GREB1: variants seen among roughly 807,000 people sequenced by gnomAD.
GREB1 encodes growth regulating estrogen receptor binding 1.
Under a neutral mutation model 200.7 loss-of-function variants are expected in GREB1, and 106 were observed. That is an observed-to-expected ratio of 0.53 (90% CI 0.45 to 0.62). The LOEUF is 0.62. GREB1 is among the 20% of genes least tolerant of loss of function. The probability of loss-of-function intolerance (pLI) is 0.00; values close to 1 mark genes in which losing one functional copy is unlikely to be tolerated. For missense variants in GREB1, 2,243 were observed against 2,556.8 expected (o/e 0.88, Z 2.65); for synonymous variants, 1,132 against 1,092.4 (o/e 1.04, Z -0.72).
At chr2:11,604,480 A>G (rs889748553) in intron 17 of GREB1, among the ~76,000 whole-genome samples, 6 of 152,126 alleles carry the variant, frequency 3.9e-5, no homozygotes, top group Non-Finnish European at 7.4e-5. Context: ...CACCATCATC[A>G]TCCTCTCTTC....
rs758374338 is a variant in GREB1, at chr2:11,630,095, C to A, written c.4597C>A (p.Leu1533Ile). The A allele has an allele frequency of 6.2e-7, 1 of 1,614,166 alleles. No homozygotes were observed. The highest frequency in any genetic ancestry group is 8.5e-7 in the Non-Finnish European group (1 of 1,180,010). Residue 1533 changes from leucine (L) to isoleucine (I), a missense_variant, in exon 26 of 33, where the codon CTC becomes ATC. By Grantham distance (5) the Leu-to-Ile change is conservative. Coordinates refer to ENST00000381486, the MANE Select transcript of GREB1 (RefSeq NM_014668.4). ...CCAGCTGGAGAGCATGCGACTACCC[C>A]TCGTGACAGACAAGGTACTGGCTCA... The part of the protein sequence containing the change: ...GGQLESMRLP[L>I]VTDKSHEYIK...
chr2:11,614,767 G>T (rs1181990314), intron 19 of GREB1, among the ~76,000 whole-genome samples: 3 of 152,138 alleles, frequency 2.0e-5, no homozygotes, highest in Non-Finnish European at 2.9e-5. Flanking sequence ...GTTTCACCGT[G>T]TTAGCCAGGA....
chr2:11,587,008 G>A (rs545287062), intron 9 of GREB1, among the ~76,000 whole-genome samples: 1 of 152,298 alleles, frequency 6.6e-6, no homozygotes, highest in African/African-American at 2.4e-5. Flanking sequence ...TGGAGGTGCA[G>A]GCAGGGCGTC....
chr2:11,544,078 T>C (rs1675011118), intron 1 of GREB1, among the ~76,000 whole-genome samples: 1 of 152,160 alleles, frequency 6.6e-6, no homozygotes. Context: ...GATGGAGGCT[T>C]CATTTAGACA....
chr2:11,580,823 T>G lies in GREB1; in HGVS notation c.892T>G (p.Ser298Ala), dbSNP rs763342408. 11 of 1,614,242 alleles carry G rather than the reference T, an allele frequency of 6.8e-6. No homozygotes were observed. In the South Asian group the frequency reaches 1.1e-4, roughly 16 times the overall value. ...KNNLLALPRP[S>A]ALGILSNSGP... ...TAACCTGTTGGCCCTGCCGCGACCA[T>G]CGGCTTTAGGTAGCTCTGCCTGTCC... is the stretch of plus-strand genomic sequence containing the variant. Residue 298 changes from serine to alanine, a missense_variant, in exon 7 of 33, where the codon TCG becomes GCG. Ser to Ala is a moderately conservative substitution (Grantham distance 99). Around this residue, in one of 3 missense-constraint regions of GREB1, gnomAD observed 1,178 missense variants for 1,387.4 expected, o/e 0.85. Transcript: ENST00000381486. This position sits in a 1 kb window ranked among gnomAD's most constrained non-coding sequence, Gnocchi z 4.5.
At chr2:11,636,206 A>G (rs1310387588) in intron 30 of GREB1, among the ~76,000 whole-genome samples, 1 of 152,180 alleles carries the variant, frequency 6.6e-6, no homozygotes, top group Non-Finnish European at 1.5e-5. Context: ...ACCTTTAAAT[A>G]AAGGCCCCCA....
intron 1 of GREB1, among the ~76,000 whole-genome samples, chr2:11,486,663 T>G (rs563935592): frequency 6.6e-6 from 1 of 150,652 alleles, no homozygotes; most frequent in South Asian, 2.1e-4. Flanking sequence ...AGGCCAGGAG[T>G]TCGAGACTAG....
At chr2:11,639,846 G>A (rs1685677585) in intron 32 of GREB1, among the ~76,000 whole-genome samples, 1 of 152,178 alleles carries the variant, frequency 6.6e-6, no homozygotes, top group East Asian at 1.9e-4. Context: ...CCAGGTGCTG[G>A]GAGTTGAGAG....
chr2:11,496,343 C>G (rs1330482542), intron 1 of GREB1, among the ~76,000 whole-genome samples: 3 of 152,154 alleles, frequency 2.0e-5, no homozygotes, highest in Admixed American at 2.0e-4. Flanking sequence ...TGAACCCTCT[C>G]GGTTTATATT....
intron 9 of GREB1, chr2:11,588,215 A>G: frequency 1.1e-6 from 1 of 900,944 alleles, no homozygotes; most frequent in Non-Finnish European, 1.4e-6. Context: ...GGGACAGAGC[A>G]AGACACTGTC....
At chr2:11,544,298 G>A (rs1675040332) in intron 1 of GREB1, among the ~76,000 whole-genome samples, 1 of 151,710 alleles carries the variant, frequency 6.6e-6, no homozygotes, top group South Asian at 2.1e-4. Context: ...GTCACTGCAA[G>A]CTCCGCCTCC....
chr2:11,596,071 C>A, intron 12 of GREB1, 40 bp from the exon 13 acceptor site: 1 of 1,589,036 alleles, frequency 6.3e-7, no homozygotes, highest in Non-Finnish European at 8.6e-7. Flanking sequence ...CTGAATTTCA[C>A]TGACATCAAA....
At chr2:11,519,510 C>T (rs1168085969) in intron 1 of GREB1, among the ~76,000 whole-genome samples, 1 of 135,926 alleles carries the variant, frequency 7.4e-6, no homozygotes, top group African/African-American at 2.9e-5. Context: ...GGCTGGAGCG[C>T]AATGGCACGA....
chr2:11,618,549 C>T lies in GREB1; in HGVS notation c.3674C>T (p.Ser1225Phe), dbSNP rs1316820539. ...VTSSCSQLSS[S>F]SGSSSSSVAP... Reference sequence around the variant, plus strand: ...TCGTCGTGCTCCCAGCTGTCCTCCTCCTCGGGCTCATCCTCCTCATCCGTG... The same window carrying T: ...TCGTCGTGCTCCCAGCTGTCCTCCTTCTCGGGCTCATCCTCCTCATCCGTG... Residue 1225 changes from serine to phenylalanine, a missense_variant, in exon 22 of 33, where the codon TCC (serine) becomes TTC (phenylalanine). Transcript: ENST00000381486. The T allele has an allele frequency of 9.3e-6, 15 of 1,612,652 alleles. No homozygotes were observed. Among genetic ancestry groups the T allele is most frequent in the Non-Finnish European group, 1.1e-5 (13 of 1,179,848 alleles).
intron 1 of GREB1, among the ~76,000 whole-genome samples, chr2:11,547,025 A>G (rs990849918): frequency 6.6e-6 from 1 of 150,618 alleles, no homozygotes; most frequent in Non-Finnish European, 1.5e-5. Context: ...GGCTCACGCA[A>G]TCTCTGCCTC....
intron 1 of GREB1, among the ~76,000 whole-genome samples, chr2:11,554,756 G>C (rs189140432): frequency 6.6e-6 from 1 of 152,320 alleles, no homozygotes; most frequent in Admixed American, 6.5e-5. Context: ...ATCCCTTGTA[G>C]AGTTTACGAA....
At chr2:11,572,126 G>A (rs547590300) in intron 4 of GREB1, among the ~76,000 whole-genome samples, 12 of 152,304 alleles carry the variant, frequency 7.9e-5, no homozygotes, top group Admixed American at 3.3e-4. Context: ...ATTTTTTCAT[G>A]GAGGGTTGAT....
At chr2:11,506,932 CAT>C (rs1673196765) in intron 1 of GREB1, among the ~76,000 whole-genome samples, 1 of 152,298 alleles carries the variant, frequency 6.6e-6, no homozygotes, top group East Asian at 1.9e-4. Context: ...TTAAATACAA[CAT>C]GTGTTACATC....
chr2:11,566,177 C>G (rs1169040744), intron 3 of GREB1, among the ~76,000 whole-genome samples: 2 of 152,046 alleles, frequency 1.3e-5, no homozygotes, highest in African/African-American at 4.8e-5. Context: ...TGCCACTACG[C>G]CTGGCTAATT....
Sources: allele counts gnomAD v4.1 joint callset (sites outside exome capture counted in the v4.1 genomes callset), GRCh38; gene constraint gnomAD v4.1.1; regional missense constraint gnomAD v4.1.1; non-coding constraint Gnocchi (gnomAD v3.1); transcripts MANE v1.5; gene names NCBI Gene and HGNC (gene_info 2026-07-23, HGNC 2026-07-21).